The following FOXN3 variants were observed in gnomAD, a reference collection of about 807,000 sequenced individuals.
The protein encoded by FOXN3 is forkhead box protein N3.
A neutral mutation model predicts 38.4 loss-of-function variants in FOXN3; 7 were observed. The ratio of observed to expected loss-of-function variants is 0.18; its 90% CI spans 0.10 to 0.34. The LOEUF is 0.34. Ranked by LOEUF, FOXN3 falls within the 10% of genes least tolerant of loss-of-function variation. The pLI is 1.00. For synonymous variants in FOXN3, 230 were observed against 242.2 expected (o/e 0.95, Z 0.47); for missense variants, 456 against 613.4 (o/e 0.74, Z 2.71).
chr14:89,210,590 A>G (rs549306808), intron 4 of FOXN3, among the ~76,000 whole-genome samples: 3 of 152,166 alleles, frequency 2.0e-5, no homozygotes, highest in Non-Finnish European at 4.4e-5. Flanking sequence ...AGCCTCTACT[A>G]TATTTATCCC....
intron 4 of FOXN3, among the ~76,000 whole-genome samples, chr14:89,220,349 A>C (rs1884425676): frequency 6.6e-6 from 1 of 152,144 alleles, no homozygotes; most frequent in African/African-American, 2.4e-5. Context: ...TTATCTGTAA[A>C]ATGGGCTGAG....
At chr14:89,501,924 G>C (rs140588646) in intron 1 of FOXN3, among the ~76,000 whole-genome samples, 2,142 of 152,206 alleles carry the variant, frequency 0.014, 47 homozygotes, top group African/African-American at 0.049. Flanking sequence ...CCAGCACTTT[G>C]GGAGGCCGAG....
At chr14:89,352,370 A>G (rs992394431) in intron 2 of FOXN3, among the ~76,000 whole-genome samples, 1 of 152,246 alleles carries the variant, frequency 6.6e-6, no homozygotes, top group Non-Finnish European at 1.5e-5. Flanking sequence ...CTGCCCTGGA[A>G]GCTTCATCCC....
At chr14:89,399,155 G>A (rs1230951337) in intron 2 of FOXN3, among the ~76,000 whole-genome samples, 1 of 152,240 alleles carries the variant, frequency 6.6e-6, no homozygotes, top group Admixed American at 6.5e-5. Context: ...GACCAGGGCT[G>A]AACGCTTGGC....
At chr14:89,535,915 G>A (rs186655478) in intron 1 of FOXN3, among the ~76,000 whole-genome samples, 226 of 152,254 alleles carry the variant, frequency 1.5e-3, no homozygotes, top group African/African-American at 5.4e-3. Context: ...AACATAAGTC[G>A]TTTGTAACAC....
chr14:89,417,427 G>A (rs1212495938), upstream of FOXN3: 3 of 147,888 alleles, frequency 2.0e-5, no homozygotes, highest in Non-Finnish European at 4.5e-5. Context: ...GGCGGAGGCC[G>A]GGGCTGGGCC....
intron 2 of FOXN3, among the ~76,000 whole-genome samples, chr14:89,373,994 G>A (rs765466746): frequency 3.9e-5 from 6 of 152,100 alleles, no homozygotes; most frequent in Admixed American, 2.0e-4. Flanking sequence ...GGCCAGGGGT[G>A]GTGGCTCATG....
At chr14:89,293,150 T>A (rs924560735) in intron 3 of FOXN3, among the ~76,000 whole-genome samples, 1 of 152,196 alleles carries the variant, frequency 6.6e-6, no homozygotes, top group Admixed American at 6.5e-5. Flanking sequence ...TGATTCTGTT[T>A]CCAGATGCTG....
chr14:89,563,756 T>C (rs1377196434), intron 1 of FOXN3, among the ~76,000 whole-genome samples: 2 of 152,086 alleles, frequency 1.3e-5, no homozygotes, highest in East Asian at 1.9e-4. Context: ...AATGGGGCAA[T>C]TGCAGGAAAT....
At chr14:89,325,610 A>C (rs1452187483) in intron 3 of FOXN3, among the ~76,000 whole-genome samples, 1 of 152,236 alleles carries the variant, frequency 6.6e-6, no homozygotes, top group Non-Finnish European at 1.5e-5. Flanking sequence ...TTATTGAACT[A>C]TCTCTGTACA....
chr14:89,199,590 G>C (rs1204895893), intron 4 of FOXN3, among the ~76,000 whole-genome samples: 1 of 152,158 alleles, frequency 6.6e-6, no homozygotes. Flanking sequence ...GGGGGGAAAG[G>C]GGAAAGGATG....
chr14:89,165,685 G>C (rs145851182), intron 5 of FOXN3, among the ~76,000 whole-genome samples: 126 of 152,302 alleles, frequency 8.3e-4, no homozygotes, highest in African/African-American at 2.9e-3. Flanking sequence ...GTGAAACTTG[G>C]TAAATGTAAT....
chr14:89,354,979 C>A (rs1889148934), intron 2 of FOXN3: 1 of 151,954 alleles, frequency 6.6e-6, no homozygotes, highest in East Asian at 1.9e-4. Flanking sequence ...TTCACACTCA[C>A]ATTTTTGTGT....
intron 1 of FOXN3, among the ~76,000 whole-genome samples, chr14:89,439,656 C>CTT (rs1445078160): frequency 8.0e-5 from 10 of 125,088 alleles, no homozygotes; most frequent in African/African-American, 2.3e-4. Context: ...TTCTTTTATT[C>CTT]CTTTTTTTTT....
rs1441303488 is a variant in FOXN3 at position 89,388,824 on chromosome 14, T to C, written c.543+23110A>G. 2.6e-5 allele frequency among the ~76,000 whole-genome samples: 4 copies of C among 151,636 alleles called. 1 individual carries two copies. The highest frequency in any genetic ancestry group is 3.9e-4 in the East Asian group (2 of 5,116). ...TTGAGCAGGGAAGACATGATGAAAC[T>C]GGATGGATCACAGACACCAGGGGTG... On this transcript the variant is annotated intron_variant, in intron 2 of 5. Coordinates refer to ENST00000557258, the MANE Select transcript of FOXN3 (RefSeq NM_005197.4).
In FOXN3 at chr14:89,543,544, G is replaced by T. The variant is rs146213905; in HGVS notation, c.-15+75484C>A. 1.0e-3 allele frequency among the ~76,000 whole-genome samples: 156 copies of T among 152,256 alleles called. 1 individual carries two copies. In the Middle Eastern group the frequency reaches 0.014, roughly 13 times the overall value. On this transcript the variant is annotated intron_variant, in intron 1 of 6. Coordinates refer to the FOXN3 transcript ENST00000345097. ...TAGAATAGTAGTGTTAATAGATTCC[G>T]CCTCGACTAAAAAGGGAGCCAGTGG... is the stretch of plus-strand genomic sequence containing the variant.
intron 2 of FOXN3, among the ~76,000 whole-genome samples, chr14:89,374,815 C>CA (rs1378453375): frequency 7.3e-4 from 103 of 140,778 alleles, no homozygotes; most frequent in Middle Eastern, 3.7e-3. Flanking sequence ...ACTATAAATA[C>CA]AAAAAAAAAA....
chr14:89,217,576 G>A (rs540947216), intron 4 of FOXN3, among the ~76,000 whole-genome samples: 1 of 152,332 alleles, frequency 6.6e-6, no homozygotes, highest in East Asian at 1.9e-4. Context: ...GTGCTTTTGG[G>A]CAACCCACTT....
chr14:89,180,909 A>AGGG (rs59297676), intron 4 of FOXN3, 103 bp from the exon 5 acceptor site: 11 of 349,520 alleles, frequency 3.1e-5, no homozygotes, highest in African/African-American at 5.8e-5. Flanking sequence ...AGAGAGAGAG[A>AGGG]CAGAGGGCAG....
Sources: gnomAD v4.1 joint callset for allele counts (sites outside exome capture counted in the v4.1 genomes callset) on GRCh38, gnomAD v4.1.1 for gene constraint, MANE v1.5 for transcripts, NCBI Gene and HGNC (gene_info 2026-07-23, HGNC 2026-07-21) for gene names.